The following ESRRG variants were observed in gnomAD, a reference collection of about 807,000 sequenced individuals.
ESRRG encodes the protein estrogen-related receptor gamma.
Under a neutral mutation model 44.0 loss-of-function variants are expected in ESRRG, and 13 were observed. The ratio of observed to expected loss-of-function variants is 0.30; its 90% CI spans 0.19 to 0.47. The LOEUF (loss-of-function observed/expected upper bound fraction) is 0.47. Among genes scored for constraint, ESRRG ranks in the 20% least tolerant of loss-of-function variants. ESRRG has a pLI of 1.00. For synonymous variants in ESRRG, 215 were observed against 214.6 expected (o/e 1.00, Z -0.02); for missense variants, 395 against 580.6 (o/e 0.68, Z 3.29).
chr1:216,779,956 C>T (rs796559662), intron 2 of ESRRG, among the ~76,000 whole-genome samples: 35 of 151,944 alleles, frequency 2.3e-4, no homozygotes, highest in African/African-American at 7.7e-4. Context: ...TAGCAGCCAA[C>T]ATGTTCTATA....
At chr1:216,815,509 A>T (rs1434584906) in intron 2 of ESRRG, among the ~76,000 whole-genome samples, 2 of 152,142 alleles carry the variant, frequency 1.3e-5, no homozygotes, top group Non-Finnish European at 2.9e-5. Context: ...AAATTTCCAG[A>T]ATAGTGGCCC....
chr1:217,098,821 T>A (rs1008538396), intron 1 of ESRRG, among the ~76,000 whole-genome samples: 1 of 152,130 alleles, frequency 6.6e-6, no homozygotes, highest in South Asian at 2.1e-4. Context: ...AGGACTAACA[T>A]CCCATGGAAT....
intron 1 of ESRRG, among the ~76,000 whole-genome samples, chr1:217,035,311 C>T (rs2082692477): frequency 8.8e-6 from 1 of 113,894 alleles, no homozygotes. Context: ...CCTAGCGAGA[C>T]TCTGTCTCAA....
chr1:216,793,895 C>T (rs1439144376), intron 2 of ESRRG, among the ~76,000 whole-genome samples: 4 of 151,894 alleles, frequency 2.6e-5, no homozygotes, highest in African/African-American at 9.7e-5. Context: ...CCTCTCCTTC[C>T]TGTTTTTATC....
chr1:216,706,745 T>C (rs577650859), intron 1 of ESRRG, among the ~76,000 whole-genome samples: 1 of 152,350 alleles, frequency 6.6e-6, no homozygotes, highest in Non-Finnish European at 1.5e-5. Flanking sequence ...TTAATCCTTC[T>C]ATAAACTTAA....
chr1:216,987,582 AGAGTTT>A (rs1199920523), intron 1 of ESRRG, among the ~76,000 whole-genome samples: 4 of 152,214 alleles, frequency 2.6e-5, no homozygotes, highest in Non-Finnish European at 4.4e-5. Flanking sequence ...ATTCTGTAGA[AGAGTTT>A]GGTTAAGAGT....
At chr1:216,938,154 A>G (rs538307064) in intron 2 of ESRRG, among the ~76,000 whole-genome samples, 1 of 152,300 alleles carries the variant, frequency 6.6e-6, no homozygotes, top group African/African-American at 2.4e-5. Context: ...CATATTTTAA[A>G]TGCTCTGAGA....
intron 1 of ESRRG, among the ~76,000 whole-genome samples, chr1:217,031,381 AGAG>A (rs1272955330): frequency 8.5e-5 from 13 of 152,332 alleles, no homozygotes; most frequent in African/African-American, 2.9e-4. Context: ...GGAGAGAATA[AGAG>A]GAGAATCGCA....
chr1:216,647,707 G>A (rs1275070393), intron 3 of ESRRG, among the ~76,000 whole-genome samples: 5 of 152,082 alleles, frequency 3.3e-5, no homozygotes, highest in African/African-American at 4.8e-5. Flanking sequence ...TAATAGAAAT[G>A]CCAGTCAATA....
At chr1:217,030,507 C>G (rs1379813124) in intron 1 of ESRRG, among the ~76,000 whole-genome samples, 1 of 152,192 alleles carries the variant, frequency 6.6e-6, no homozygotes, top group African/African-American at 2.4e-5. Context: ...CTGCTGCTAG[C>G]CTAGCTGTGT....
At chr1:216,848,309 C>T (rs2095790856) in intron 2 of ESRRG, among the ~76,000 whole-genome samples, 1 of 151,952 alleles carries the variant, frequency 6.6e-6, no homozygotes, top group Non-Finnish European at 1.5e-5. Flanking sequence ...CTGAGCCCTA[C>T]ATGGACATGT....
At chr1:216,989,453 C>T (rs750803240) in intron 1 of ESRRG, among the ~76,000 whole-genome samples, 34 of 135,952 alleles carry the variant, frequency 2.5e-4, no homozygotes, top group Non-Finnish European at 4.1e-4. Flanking sequence ...AAAAAAAACA[C>T]AGTGGGAGTG....
At chr1:216,705,713 TC>T (rs2082318917) in intron 1 of ESRRG, among the ~76,000 whole-genome samples, 1 of 152,182 alleles carries the variant, frequency 6.6e-6, no homozygotes, top group Admixed American at 6.5e-5. Flanking sequence ...TTCAGATCCT[TC>T]CCCTGTTACT....
rs191762274 is a variant in ESRRG at position 216,774,594 on chromosome 1, T to C, written c.-13-97103A>G. On this transcript the variant is annotated intron_variant, in intron 2 of 7. Coordinates refer to the ESRRG transcript ENST00000359162. ...ACTTTCCTAAAGGCACTGTCATGTTTCAAAGCCATTGTTCATAAATAAAGA... is the reference window on the plus strand; with the variant it reads ...ACTTTCCTAAAGGCACTGTCATGTTCCAAAGCCATTGTTCATAAATAAAGA... Among the ~76,000 whole-genome samples the C allele has an allele frequency of 9.1e-4, 138 of 152,220 alleles. 1 individual carries two copies. Among genetic ancestry groups the C allele is most frequent in the African/African-American group, 3.2e-3 (133 of 41,532 alleles).
At chr1:216,802,647 G>A (rs143059286) in intron 2 of ESRRG, among the ~76,000 whole-genome samples, 3 of 152,112 alleles carry the variant, frequency 2.0e-5, no homozygotes, top group Admixed American at 6.6e-5. Context: ...CTGCACAGGT[G>A]ACACATCCAT....
intron 1 of ESRRG, among the ~76,000 whole-genome samples, chr1:216,958,853 C>A (rs73099410): frequency 0.041 from 6,176 of 152,188 alleles, 393 homozygotes; most frequent in African/African-American, 0.14. Flanking sequence ...GTTCCCTCTG[C>A]AGGGATTTTC....
At chr1:216,808,906 T>C (rs2094882176) in intron 2 of ESRRG, among the ~76,000 whole-genome samples, 1 of 152,058 alleles carries the variant, frequency 6.6e-6, no homozygotes, top group African/African-American at 2.4e-5. Flanking sequence ...AGAATTTTCC[T>C]CCTATTTTTT....
intron 2 of ESRRG, among the ~76,000 whole-genome samples, chr1:216,733,462 G>A (rs373520473): frequency 6.6e-6 from 1 of 152,096 alleles, no homozygotes; most frequent in Admixed American, 6.5e-5. Flanking sequence ...TGCCGTCATT[G>A]AGCAGTTAAA....
At chr1:216,614,097 C>T (rs2061058692) in intron 3 of ESRRG, among the ~76,000 whole-genome samples, 1 of 152,192 alleles carries the variant, frequency 6.6e-6, no homozygotes, top group Admixed American at 6.5e-5. Context: ...ACGATTTATG[C>T]TTTCATCTAG....
Sources: allele counts gnomAD v4.1 joint callset (sites outside exome capture counted in the v4.1 genomes callset), GRCh38; gene constraint gnomAD v4.1.1; transcripts MANE v1.5; gene names NCBI Gene and HGNC (gene_info 2026-07-23, HGNC 2026-07-21).